The following GOLGA8A variants were observed in gnomAD, a reference collection of about 807,000 sequenced individuals.
GOLGA8A encodes golgin subfamily A member 8A.
Under a neutral mutation model 22.1 loss-of-function variants are expected in GOLGA8A, and 3 were observed. The observed-to-expected ratio is 0.14, with a 90% confidence interval of 0.06 to 0.35. The LOEUF (loss-of-function observed/expected upper bound fraction) is 0.35, where lower values mean the gene tolerates loss of function less well. Ranked by LOEUF, GOLGA8A falls within the 10% of genes least tolerant of loss-of-function variation. The pLI is 1.00. For missense variants in GOLGA8A, 16 were observed against 233.2 expected (o/e 0.07, Z 6.07); for synonymous variants, 7 against 91.7 (o/e 0.08, Z 5.28).
chr15:34,381,167 C>G lies in GOLGA8A; in HGVS notation c.*244G>C, dbSNP rs936292005. The G allele has an allele frequency of 6.4e-6, 4 of 622,296 alleles. No homozygotes were observed. Among genetic ancestry groups the G allele is most frequent in the Non-Finnish European group, 1.1e-5 (4 of 362,782 alleles). The allele number at this position is 622,296 out of a possible 1,614,324, so 38.5% of individuals were successfully genotyped here. A position where few individuals can be genotyped will look rare whatever the true frequency, so the allele number is the denominator to read the frequency against. ...GCAAACTCGATATGCATGCTAATGA[C>G]CTACAATTATGAAATGAAAAAAGAA... On this transcript the variant is annotated 3_prime_UTR_variant, in exon 25 of 25. Transcript: ENST00000359187.
In GOLGA8A at chr15:34,429,125, C is replaced by A. The variant is rs941798342; in HGVS notation, c.-1123+6258G>T. Among the ~76,000 whole-genome samples the A allele has an allele frequency of 2.7e-5, 4 of 146,572 alleles. 1 individual carries two copies. The highest frequency in any genetic ancestry group is 6.0e-5 in the Non-Finnish European group (4 of 66,366). On this transcript the variant is annotated intron_variant, in intron 2 of 24. Transcript: ENST00000359187. ...CATCTTCTGCTCATACCTCCCCACA[C>A]CCTCCTCTCGCCTCTGGATGCACCT...
chr15:34,404,281 A>AT (rs1892135648), intron 5 of GOLGA8A, among the ~76,000 whole-genome samples: 1 of 94,600 alleles, frequency 1.1e-5, no homozygotes, highest in Non-Finnish European at 2.3e-5. Context: ...AGGAGAAATA[A>AT]TTTGAGTTGT....
At position 34,381,619 on chromosome 15, in the gene GOLGA8A, G is replaced by C; in HGVS notation, c.1610-6C>G. 7.5e-7 allele frequency: 1 copy of C among 1,337,600 alleles called. No individual in the cohort carries two copies. The highest frequency in any genetic ancestry group is 1.0e-6 in the Non-Finnish European group (1 of 954,756). 82.9% of individuals were successfully genotyped at this position (1,337,600 alleles called of 1,614,324 possible). ...GAGGCTCGCCTCACAAAGATCTTTG[G>C]AGAGAGGGAGGCGGGGATCTGAGTG... On this transcript the variant is annotated splice_region_variant and splice_polypyrimidine_tract_variant and intron_variant, in intron 24 of 24. Coordinates refer to ENST00000359187, the MANE Select transcript of GOLGA8A (RefSeq NM_181077.5).
At chr15:34,411,406 T>C (rs1892423514) in intron 2 of GOLGA8A, among the ~76,000 whole-genome samples, 2 of 52,484 alleles carry the variant, frequency 3.8e-5, no homozygotes, top group Non-Finnish European at 8.6e-5. Flanking sequence ...TATTTTTTTC[T>C]GAGAAGAATT....
intron 1 of GOLGA8A, among the ~76,000 whole-genome samples, chr15:34,437,135 G>A (rs1382243632): frequency 1.4e-5 from 2 of 147,238 alleles, no homozygotes; most frequent in Admixed American, 6.8e-5. Context: ...GGATGCGAAA[G>A]CCATCGCCTA....
rs1317734800 is a variant in GOLGA8A, at chr15:34,432,400, ACT to A, written c.-1123+2981_-1123+2982del. 2.0e-5 allele frequency among the ~76,000 whole-genome samples: 3 copies of A among 148,298 alleles called. No homozygotes were observed. The East Asian group carries it at 5.9e-4, about 29-fold the overall frequency. The stretch of plus-strand genomic sequence containing the variant: ...GACAGGGACAGAACACGGACCTCAC[ACT>A]CTCTCCAGCTCAGACTCAAAGGCCA... On this transcript the variant is annotated intron_variant, in intron 2 of 24. Transcript: ENST00000359187.
intron 2 of GOLGA8A, among the ~76,000 whole-genome samples, chr15:34,430,033 A>G (rs75662859): frequency 0.073 from 10,529 of 143,990 alleles, 877 homozygotes; most frequent in South Asian, 0.19. Flanking sequence ...TGAAACCAAG[A>G]CAAGTTGGAG....
intron 2 of GOLGA8A, among the ~76,000 whole-genome samples, chr15:34,434,654 C>A (rs1213928217): frequency 6.7e-6 from 1 of 149,046 alleles, no homozygotes; most frequent in Admixed American, 6.7e-5. Context: ...TCCCTGTGGG[C>A]GCTCGGGCCA....
chr15:34,426,306 C>T (rs566671048), intron 2 of GOLGA8A, among the ~76,000 whole-genome samples: 3 of 149,606 alleles, frequency 2.0e-5, no homozygotes, highest in South Asian at 4.3e-4. Context: ...GTGAGCGGAT[C>T]GAACTGCAAA....
rs533685164 is a variant in GOLGA8A, at chr15:34,436,084, C to T, written c.-1211-613G>A. Among the ~76,000 whole-genome samples the T allele has an allele frequency of 6.5e-4, 97 of 148,920 alleles. 6 individuals carry two copies. Among genetic ancestry groups the T allele is most frequent in the African/African-American group, 1.4e-3 (58 of 40,364 alleles). On this transcript the variant is annotated intron_variant, in intron 1 of 24. Coordinates refer to ENST00000359187, the MANE Select transcript of GOLGA8A (RefSeq NM_181077.5). ...CCGGACTGGGAAACCCAGTTCCTGT[C>T]CCCCTGCGTAGTGGCCACACCTCTG...
chr15:34,426,380 G>A (rs1301216367), intron 2 of GOLGA8A, among the ~76,000 whole-genome samples: 1 of 146,932 alleles, frequency 6.8e-6, no homozygotes, highest in Non-Finnish European at 1.5e-5. Context: ...GTATTTAAAA[G>A]ACAAGTAAAA....
At chr15:34,426,801 C>T (rs1893002886) in intron 2 of GOLGA8A, among the ~76,000 whole-genome samples, 1 of 143,648 alleles carries the variant, frequency 7.0e-6, no homozygotes, top group Non-Finnish European at 1.5e-5. Flanking sequence ...CCCAGCTACT[C>T]AGGAGACCGA....
intron 2 of GOLGA8A, among the ~76,000 whole-genome samples, chr15:34,428,384 G>A (rs555801964): frequency 4.7e-5 from 7 of 148,450 alleles, no homozygotes; most frequent in South Asian, 2.2e-4. Flanking sequence ...ATGAACCACC[G>A]TGCCCAGCCT....
At position 34,437,536 on chromosome 15, in the gene GOLGA8A, T is replaced by G. The variant is rs1315941970; in HGVS notation, c.-1350A>C. On this transcript the variant is annotated 5_prime_UTR_variant, in exon 1 of 25. Coordinates refer to ENST00000359187, the MANE Select transcript of GOLGA8A (RefSeq NM_181077.5). ...CGCCGCCGTCCTCGCCGCGCCGCCG[T>G]CCTCGCCGCGCCGCCGTCCTCGCCG... The G allele has an allele frequency of 2.1e-3, 2 of 948 alleles. No homozygotes were observed. Among genetic ancestry groups the G allele is most frequent in the Admixed American group, 0.013 (2 of 152 alleles). The allele number at this position is 948 out of a possible 1,614,324, so 0.1% of individuals were successfully genotyped here.
At chr15:34,436,646 A>C (rs74196801) in intron 1 of GOLGA8A, among the ~76,000 whole-genome samples, 14,157 of 149,756 alleles carry the variant, frequency 0.095, 1,812 homozygotes, top group South Asian at 0.25. Context: ...GTTCGCCCCT[A>C]GCCTGGGCTT....
At chr15:34,424,079 G>T (rs1335606893) in intron 2 of GOLGA8A, among the ~76,000 whole-genome samples, 1 of 148,286 alleles carries the variant, frequency 6.7e-6, no homozygotes, top group Non-Finnish European at 1.5e-5. Flanking sequence ...GCCCCCATGG[G>T]TGAGTACCCA....
chr15:34,418,483 A>T (rs1892663918), intron 2 of GOLGA8A: 1 of 144,114 alleles, frequency 6.9e-6, no homozygotes. Flanking sequence ...GTGTGTAGGG[A>T]GAGATGAGAA....
chr15:34,430,457 G>A (rs1412369776), intron 2 of GOLGA8A, among the ~76,000 whole-genome samples: 2 of 149,038 alleles, frequency 1.3e-5, no homozygotes, highest in Admixed American at 6.8e-5. Context: ...TGCCATTCCC[G>A]AGACAATCAG....
At chr15:34,435,721 C>A (rs1318042385) in intron 1 of GOLGA8A, among the ~76,000 whole-genome samples, 1 of 148,726 alleles carries the variant, frequency 6.7e-6, no homozygotes, top group Non-Finnish European at 1.5e-5. Flanking sequence ...GGAGCACAGA[C>A]CACACTTCCT....
Sources: gnomAD v4.1 joint callset for allele counts (sites outside exome capture counted in the v4.1 genomes callset) on GRCh38, gnomAD v4.1.1 for gene constraint, MANE v1.5 for transcripts, NCBI Gene and HGNC (gene_info 2026-07-23, HGNC 2026-07-21) for gene names.